KCNIP4: variants seen among roughly 807,000 people sequenced by gnomAD.
KCNIP4 encodes potassium voltage-gated channel interacting protein 4.
In KCNIP4, 12 loss-of-function variants were observed where a neutral mutation model predicts 34.0. That is an observed-to-expected ratio of 0.35 (90% CI 0.23 to 0.57). The LOEUF (loss-of-function observed/expected upper bound fraction) is 0.57, where lower values mean the gene tolerates loss of function less well. Among genes scored for constraint, KCNIP4 ranks in the 20% least tolerant of loss-of-function variants. The pLI is 0.83. For missense variants in KCNIP4, 238 were observed against 311.7 expected (o/e 0.76, Z 1.78); for synonymous variants, 124 against 102.2 (o/e 1.21, Z -1.29).
chr4:20,919,531 A>G (rs1729181245), intron 1 of KCNIP4, among the ~76,000 whole-genome samples: 1 of 151,848 alleles, frequency 6.6e-6, no homozygotes, highest in East Asian at 1.9e-4. Context: ...GTGAAACCCC[A>G]TCTCTACTAA....
intron 1 of KCNIP4, among the ~76,000 whole-genome samples, chr4:21,475,436 T>A (rs62301282): frequency 0.074 from 11,304 of 152,240 alleles, 520 homozygotes; most frequent in East Asian, 0.15. Context: ...GAACTGATAC[T>A]CAGAGCCTGG....
intron 1 of KCNIP4, among the ~76,000 whole-genome samples, chr4:21,551,718 C>T (rs1738600139): frequency 6.6e-6 from 1 of 152,032 alleles, no homozygotes; most frequent in Non-Finnish European, 1.5e-5. Context: ...TCTAACCTTG[C>T]CTAGTATCCA....
chr4:20,733,184 A>G (rs1041076919), intron 6 of KCNIP4, among the ~76,000 whole-genome samples: 7 of 152,212 alleles, frequency 4.6e-5, no homozygotes, highest in African/African-American at 1.7e-4. Context: ...CACATCGTAT[A>G]TTGAGAAAAA....
At chr4:20,781,020 C>A (rs943299378) in intron 3 of KCNIP4, among the ~76,000 whole-genome samples, 7 of 152,110 alleles carry the variant, frequency 4.6e-5, no homozygotes, top group African/African-American at 1.7e-4. Context: ...TGGGAGATAA[C>A]CACCACATAA....
intron 1 of KCNIP4, among the ~76,000 whole-genome samples, chr4:21,868,127 T>C (rs1430546999): frequency 2.0e-5 from 3 of 152,188 alleles, no homozygotes; most frequent in Non-Finnish European, 4.4e-5. Context: ...ATCCTATGGA[T>C]AGCATTTTCA....
intron 1 of KCNIP4, among the ~76,000 whole-genome samples, chr4:21,317,518 T>C (rs74509585): frequency 0.016 from 2,362 of 152,254 alleles, 56 homozygotes; most frequent in East Asian, 0.056. Flanking sequence ...ACTTGGTAAA[T>C]AAGCAAACAC....
chr4:20,804,108 A>T (rs1050725343), intron 3 of KCNIP4, among the ~76,000 whole-genome samples: 11 of 152,210 alleles, frequency 7.2e-5, no homozygotes, highest in African/African-American at 2.7e-4. Flanking sequence ...GGTGACTAAT[A>T]TTAGTGAGCA....
intron 1 of KCNIP4, among the ~76,000 whole-genome samples, chr4:21,663,958 T>C (rs983209545): frequency 6.6e-6 from 1 of 152,196 alleles, no homozygotes; most frequent in Admixed American, 6.5e-5. Flanking sequence ...TGTTTCTTTT[T>C]TTTTGAGACA....
intron 1 of KCNIP4, among the ~76,000 whole-genome samples, chr4:21,859,627 CAA>C (rs11362553): frequency 1.3e-4 from 19 of 141,480 alleles, no homozygotes; most frequent in Admixed American, 3.5e-4. Flanking sequence ...GACTCCATTT[CAA>C]AAAAAAAAAA....
chr4:21,290,656 C>G (rs532452135), intron 1 of KCNIP4, among the ~76,000 whole-genome samples: 1 of 152,132 alleles, frequency 6.6e-6, no homozygotes, highest in African/African-American at 2.4e-5. Context: ...GCAAATGAAA[C>G]AAGGCTCTTG....
intron 3 of KCNIP4, 87 bp from the exon 4 acceptor site, chr4:20,758,977 A>C: frequency 1.0e-6 from 1 of 974,538 alleles, no homozygotes; most frequent in South Asian, 1.4e-5. Flanking sequence ...ACTGTCTACC[A>C]TGCAAAGCTG....
At chr4:21,014,048 C>A (rs961371108) in intron 1 of KCNIP4, among the ~76,000 whole-genome samples, 1 of 152,180 alleles carries the variant, frequency 6.6e-6, no homozygotes, top group Non-Finnish European at 1.5e-5. Flanking sequence ...TCTATATGAG[C>A]TCATCCATGC....
intron 1 of KCNIP4, among the ~76,000 whole-genome samples, chr4:21,166,895 C>T (rs544051295): frequency 4.5e-5 from 6 of 132,394 alleles, no homozygotes; most frequent in African/African-American, 1.2e-4. Context: ...GCTGAGATCA[C>T]GCCATTGCAC....
rs368053041 is a variant in KCNIP4, at chr4:21,694,914, C to CAAAAAAAAAAAAAAAAAAAAAA, written c.61+253656_61+253657insTTTTTTTTTTTTTTTTTTTTTT. 1.1e-4 allele frequency among the ~76,000 whole-genome samples: 5 copies of CAAAAAAAAAAAAAAAAAAAAAA among 46,504 alleles called. 1 individual carries two copies. The highest frequency in any genetic ancestry group is 3.3e-4 in the African/African-American group (5 of 15,234). The allele number at this position is 46,504 out of a possible 152,430, so 30.5% of individuals were successfully genotyped here. On this transcript the variant is annotated intron_variant, in intron 1 of 8. Transcript: ENST00000382152. The stretch of plus-strand genomic sequence containing the variant: ...CGTTTCCTCAGATAACACGATTGAC[C>CAAAAAAAAAAAAAAAAAAAAAA]AAAAAAAAAAAAAAAATAAAAATAA...
At chr4:21,301,340 A>C (rs772950322) in intron 1 of KCNIP4, among the ~76,000 whole-genome samples, 1 of 152,224 alleles carries the variant, frequency 6.6e-6, no homozygotes, top group Non-Finnish European at 1.5e-5. Flanking sequence ...TTTCAAATAT[A>C]ATAATACAAA....
chr4:21,465,259 T>C (rs1729819771), intron 1 of KCNIP4, among the ~76,000 whole-genome samples: 1 of 152,120 alleles, frequency 6.6e-6, no homozygotes, highest in African/African-American at 2.4e-5. Flanking sequence ...TGACATAAAA[T>C]CCAGAATCTG....
intron 1 of KCNIP4, among the ~76,000 whole-genome samples, chr4:21,056,185 T>C (rs1743383786): frequency 6.6e-6 from 1 of 152,184 alleles, no homozygotes; most frequent in South Asian, 2.1e-4. Flanking sequence ...TAGTCTGAAG[T>C]TTGCATACTT....
At chr4:21,442,492 A>T in intron 1 of KCNIP4, among the ~76,000 whole-genome samples, 1 of 152,230 alleles carries the variant, frequency 6.6e-6, no homozygotes, top group Admixed American at 6.5e-5. Flanking sequence ...CTAGGTTGAT[A>T]ATGATTGCTG....
chr4:21,357,551 A>G (rs1487667445), intron 1 of KCNIP4, among the ~76,000 whole-genome samples: 2 of 152,228 alleles, frequency 1.3e-5, no homozygotes, highest in East Asian at 3.9e-4. Flanking sequence ...TTATACAGCC[A>G]ACAGACACAT....
Sources: allele counts gnomAD v4.1 joint callset (sites outside exome capture counted in the v4.1 genomes callset), GRCh38; gene constraint gnomAD v4.1.1; transcripts MANE v1.5; gene names NCBI Gene and HGNC (gene_info 2026-07-23, HGNC 2026-07-21).